The following MAP3K5 variants were observed in gnomAD, a reference collection of about 807,000 sequenced individuals.
MAP3K5 encodes mitogen-activated protein kinase kinase kinase 5, also known as ASK-1.
MAP3K5 carries 56 observed loss-of-function variants against 158.7 expected under a neutral mutation model. That is an observed-to-expected ratio of 0.35 (90% confidence interval 0.28 to 0.44). The LOEUF (loss-of-function observed/expected upper bound fraction) is 0.44. MAP3K5 is among the 20% of genes least tolerant of loss of function. MAP3K5 has a pLI of 1.00. For synonymous variants in MAP3K5, 579 were observed against 601.7 expected (o/e 0.96, Z 0.55); for missense variants, 1,294 against 1,674.8 (o/e 0.77, Z 3.97).
At chr6:136,612,923 G>C (rs377755321) in intron 17 of MAP3K5, among the ~76,000 whole-genome samples, 197 bp downstream of exon 17, 13 of 152,196 alleles carry the variant, frequency 8.5e-5, no homozygotes, top group East Asian at 3.8e-4. Flanking sequence ...TAAGCAGTGT[G>C]TTCCTTGAGC....
chr6:136,559,460 C>T (rs531709594), intron 28 of MAP3K5, among the ~76,000 whole-genome samples: 1 of 152,216 alleles, frequency 6.6e-6, no homozygotes, highest in Non-Finnish European at 1.5e-5. Context: ...GAATGGTCTT[C>T]TAATGAACAG....
rs758397409 is a variant in MAP3K5, at chr6:136,656,381, G to T, written c.1606C>A (p.Gln536Lys). 1.9e-6 allele frequency: 3 copies of T among 1,613,312 alleles called. No individual in the cohort carries two copies. The highest frequency in any genetic ancestry group is 2.5e-6 in the Non-Finnish European group (3 of 1,179,448). The change falls in exon 10 of 30, where the codon CAA becomes AAA. Residue 536 changes from glutamine to lysine, a missense_variant. Gln to Lys is a moderately conservative substitution (Grantham distance 53, BLOSUM62 1). Around this residue, in one of 5 missense-constraint regions of MAP3K5, gnomAD observed 690 missense variants for 870.5 expected, o/e 0.79. Transcript: ENST00000359015. ...KLTTEQPVAK[Q>K]ELVDFWMDFL... ...TCCATCCAAAAGTCCACAAGTTCTTGCTTGGCCACAGGCTGTTCTGTGGTC... is the reference window on the plus strand; with the variant it reads ...TCCATCCAAAAGTCCACAAGTTCTTTCTTGGCCACAGGCTGTTCTGTGGTC...
intron 8 of MAP3K5, among the ~76,000 whole-genome samples, chr6:136,666,432 T>G (rs191814962): frequency 6.0e-4 from 91 of 152,324 alleles, no homozygotes; most frequent in African/African-American, 1.9e-3. Context: ...GTCTGGTTAT[T>G]ATAAGAACTC....
chr6:136,720,579 C>A lies in MAP3K5; in HGVS notation c.459G>T (p.Val153=). 6.2e-7 allele frequency: 1 copy of A among 1,609,486 alleles called. No individual in the cohort carries two copies. The highest frequency in any genetic ancestry group is 8.5e-7 in the Non-Finnish European group (1 of 1,178,262). The change falls in exon 2 of 30, where the codon GTG becomes GTT. Residue 153 remains valine, a synonymous_variant. Transcript: ENST00000359015. ...LDRFYNADIA[V]VEMSDAFRQP... ...GCCGGAAGGCATCGCTCATCTCCAC[C>A]ACCGCAATATCTGCAAACAGAAAAC...
intron 21 of MAP3K5, among the ~76,000 whole-genome samples, chr6:136,595,478 T>A (rs531891881): frequency 1.3e-5 from 2 of 152,150 alleles, no homozygotes; most frequent in Admixed American, 6.5e-5. Context: ...CATTCATTCA[T>A]CCAACATACA....
intron 7 of MAP3K5, among the ~76,000 whole-genome samples, chr6:136,674,132 A>T (rs975084008): frequency 1.3e-5 from 2 of 152,076 alleles, no homozygotes; most frequent in Non-Finnish European, 2.9e-5. Context: ...AAAAGAAAAA[A>T]AAAAGTCTAA....
At chr6:136,715,267 A>C (rs1039366653) in intron 2 of MAP3K5, among the ~76,000 whole-genome samples, 1 of 152,224 alleles carries the variant, frequency 6.6e-6, no homozygotes, top group Non-Finnish European at 1.5e-5. Flanking sequence ...AAAAGACACT[A>C]AAAATATTTT....
chr6:136,779,097 C>A (rs528944574), intron 1 of MAP3K5, among the ~76,000 whole-genome samples: 72 of 152,112 alleles, frequency 4.7e-4, no homozygotes, highest in African/African-American at 1.7e-3. Context: ...GCCAGGAGTT[C>A]GAGACCAGCC....
intron 7 of MAP3K5, among the ~76,000 whole-genome samples, chr6:136,671,357 C>A (rs1412319420): frequency 6.6e-6 from 1 of 152,102 alleles, no homozygotes; most frequent in Admixed American, 6.5e-5. Flanking sequence ...AAAAGATAAA[C>A]ACCAATAAAA....
At chr6:136,680,904 G>A (rs944875448) in intron 7 of MAP3K5, among the ~76,000 whole-genome samples, 1 of 152,260 alleles carries the variant, frequency 6.6e-6, no homozygotes. Context: ...GGCGGGGCTG[G>A]GGGTGTAGAT....
At chr6:136,659,147 T>C in intron 9 of MAP3K5, 72 bp downstream of exon 9, 2 of 1,285,062 alleles carry the variant, frequency 1.6e-6, no homozygotes, top group Non-Finnish European at 2.2e-6. Context: ...AATTGTCAGT[T>C]CAATAAATAT....
chr6:136,761,823 A>G (rs1384989068), intron 1 of MAP3K5, among the ~76,000 whole-genome samples: 1 of 152,212 alleles, frequency 6.6e-6, no homozygotes, highest in East Asian at 1.9e-4. Context: ...ATTTCATAGT[A>G]ACTACTCCGA....
chr6:136,607,490 T>C (rs575056384), intron 18 of MAP3K5, among the ~76,000 whole-genome samples: 151 of 152,290 alleles, frequency 9.9e-4, no homozygotes, highest in African/African-American at 2.3e-3. Flanking sequence ...ACATAATATT[T>C]TAAACAAAGC....
In MAP3K5 at chr6:136,605,318, C is replaced by G; in HGVS notation, c.2570G>C (p.Gly857Ala). Residue 857 changes from glycine (G) to alanine (A), a missense_variant, in exon 19 of 30, where the codon GGC (glycine) becomes GCC (alanine). Gly to Ala is a moderately conservative substitution (Grantham distance 60). Transcript: ENST00000359015. Reference sequence around the variant, plus strand: ...CCAGATGTCTGCTGCTTTTCCGTAGCCTCTTGGTCCTTTATCTATTATTTC... The same window carrying G: ...CCAGATGTCTGCTGCTTTTCCGTAGGCTCTTGGTCCTTTATCTATTATTTC... ...APEIIDKGPR[G>A]YGKAADIWSL... The G allele has an allele frequency of 6.2e-7, 1 of 1,614,036 alleles. No individual in the cohort carries two copies. Among genetic ancestry groups the G allele is most frequent in the Non-Finnish European group, 8.5e-7 (1 of 1,179,962 alleles).
In MAP3K5 at chr6:136,578,738, A is replaced by G. The variant is rs558553564; in HGVS notation, c.3517+1563T>C. 6.6e-5 allele frequency among the ~76,000 whole-genome samples: 10 copies of G among 152,340 alleles called. No homozygotes were observed. The South Asian group carries it at 2.1e-3, about 32-fold the overall frequency. ...ATAACTTAATCTTGACCAATGTTTG[A>G]CATAAAGATTGACACGGATGCTCTC... On this transcript the variant is annotated intron_variant, in intron 25 of 29. Transcript: ENST00000359015.
chr6:136,625,266 G>A (rs1776980474), intron 14 of MAP3K5, among the ~76,000 whole-genome samples: 1 of 152,146 alleles, frequency 6.6e-6, no homozygotes, highest in Admixed American at 6.5e-5. Context: ...TAAACAAATG[G>A]GCATGCTTAT....
At chr6:136,562,322 T>C (rs946510200) in intron 27 of MAP3K5, among the ~76,000 whole-genome samples, 181 bp downstream of exon 27, 3 of 152,146 alleles carry the variant, frequency 2.0e-5, no homozygotes, top group Non-Finnish European at 4.4e-5. Context: ...ACTGCACTTA[T>C]AAGAAATGAG....
At chr6:136,570,449 G>C (rs543822999) in intron 25 of MAP3K5, among the ~76,000 whole-genome samples, 1 of 152,254 alleles carries the variant, frequency 6.6e-6, no homozygotes, top group East Asian at 1.9e-4. Flanking sequence ...ATGTGTGGAT[G>C]ACAAACTCTA....
chr6:136,602,220 A>G (rs993850979), intron 19 of MAP3K5, among the ~76,000 whole-genome samples: 1 of 152,228 alleles, frequency 6.6e-6, no homozygotes, highest in Non-Finnish European at 1.5e-5. Flanking sequence ...AGTAGGCAGC[A>G]CTATGAAGTA....
Sources: gnomAD v4.1 joint callset for allele counts (sites outside exome capture counted in the v4.1 genomes callset) on GRCh38, gnomAD v4.1.1 for gene constraint, gnomAD v4.1.1 regional missense constraint, MANE v1.5 for transcripts, NCBI Gene and HGNC (gene_info 2026-07-23, HGNC 2026-07-21) for gene names.